The following SVOPL variants were observed in gnomAD, a reference collection of about 807,000 sequenced individuals.
SVOPL encodes the protein putative transporter SVOPL.
A neutral mutation model predicts 61.0 loss-of-function variants in SVOPL; 60 were observed. The ratio of observed to expected loss-of-function variants is 0.98; its 90% CI spans 0.80 to 1.22. The LOEUF is 1.22. Among genes scored for constraint, SVOPL ranks in the 50% most tolerant of loss-of-function variants. The pLI is 0.00. For synonymous variants in SVOPL, 279 were observed against 250.0 expected (o/e 1.12, Z -1.09); for missense variants, 662 against 643.9 (o/e 1.03, Z -0.30).
intron 9 of SVOPL, among the ~76,000 whole-genome samples, chr7:138,641,178 G>A (rs1274099185): frequency 1.3e-5 from 2 of 148,864 alleles, no homozygotes; most frequent in Admixed American, 1.4e-4. Context: ...CAACCGAGGT[G>A]ACAGAGTGAG....
At chr7:138,631,765 T>C (rs1800202832) in intron 9 of SVOPL, among the ~76,000 whole-genome samples, 1 of 152,068 alleles carries the variant, frequency 6.6e-6, no homozygotes, top group Non-Finnish European at 1.5e-5. Context: ...GACGGGGTTT[T>C]ACCATGTTGC....
chr7:138,606,578 A>G (rs10265131), intron 14 of SVOPL, among the ~76,000 whole-genome samples: 47,784 of 151,798 alleles, frequency 0.31, 7,699 homozygotes, highest in Admixed American at 0.41. Context: ...ATTACACAAA[A>G]AACAAAGGCA....
At chr7:138,662,076 C>G in intron 5 of SVOPL, 1 of 985,450 alleles carries the variant, frequency 1.0e-6, no homozygotes, top group South Asian at 4.7e-5. Flanking sequence ...TTGAGGTCTA[C>G]AGTTTGGGTG....
chr7:138,656,348 G>A, intron 7 of SVOPL, 100 bp downstream of exon 7: 1 of 1,194,106 alleles, frequency 8.4e-7, no homozygotes, highest in Non-Finnish European at 1.2e-6. Context: ...CTTAATTGCA[G>A]CGAGCTGGTA....
chr7:138,600,423 G>A (rs949413386), intron 14 of SVOPL, among the ~76,000 whole-genome samples: 1 of 152,032 alleles, frequency 6.6e-6, no homozygotes, highest in Non-Finnish European at 1.5e-5. Context: ...GCAACAGAGG[G>A]AGACCCTGTC....
At chr7:138,636,771 GATTTT>G (rs770428769) in intron 9 of SVOPL, among the ~76,000 whole-genome samples, 46 of 151,926 alleles carry the variant, frequency 3.0e-4, no homozygotes, top group Non-Finnish European at 2.9e-4. Context: ...ACACCCGGCG[GATTTT>G]ATTTTATTTT....
At chr7:138,692,461 A>G (rs749333720) in intron 1 of SVOPL, among the ~76,000 whole-genome samples, 2 of 152,176 alleles carry the variant, frequency 1.3e-5, no homozygotes, top group African/African-American at 2.4e-5. Context: ...TGCAAAAAAT[A>G]TGTGACACAA....
intron 14 of SVOPL, among the ~76,000 whole-genome samples, chr7:138,603,991 G>A (rs192882601): frequency 3.3e-4 from 41 of 125,564 alleles, no homozygotes; most frequent in Non-Finnish European, 2.2e-4. Context: ...TTGAGACAGC[G>A]TCTCACTCTG....
intron 9 of SVOPL, among the ~76,000 whole-genome samples, chr7:138,632,146 G>A (rs1183946171): frequency 6.6e-6 from 1 of 152,122 alleles, no homozygotes; most frequent in Admixed American, 6.6e-5. Flanking sequence ...AGATGTCTGT[G>A]GAGGGCCAGA....
chr7:138,691,978 C>G (rs1802953868), intron 1 of SVOPL, among the ~76,000 whole-genome samples: 1 of 152,124 alleles, frequency 6.6e-6, no homozygotes, highest in South Asian at 2.1e-4. Context: ...CCACCACACC[C>G]AGCTAGCTTT....
At chr7:138,691,340 T>C (rs779602813) in intron 1 of SVOPL, among the ~76,000 whole-genome samples, 1 of 152,124 alleles carries the variant, frequency 6.6e-6, no homozygotes, top group Non-Finnish European at 1.5e-5. Context: ...TCAGTCAACA[T>C]TAAATCTCTT....
At chr7:138,655,222 A>G (rs116449467) in intron 7 of SVOPL, among the ~76,000 whole-genome samples, 8,275 of 150,744 alleles carry the variant, frequency 0.055, 731 homozygotes, top group African/African-American at 0.19. Flanking sequence ...AATCAGAGCC[A>G]GCTGGGCACA....
intron 14 of SVOPL, among the ~76,000 whole-genome samples, chr7:138,602,671 C>T (rs1798580943): frequency 1.3e-5 from 2 of 151,378 alleles, no homozygotes; most frequent in African/African-American, 4.9e-5. Context: ...TTGGTGCCAG[C>T]AGGAGGCTTA....
chr7:138,672,656 T>TTAAA lies in SVOPL; in HGVS notation c.175-540_175-539insTTTA, dbSNP rs35924408. ...GCAGGAAAGTGTTTTTTTTTGTGTT[T>TTAAA]AAAAAAAAAAAAAAAAAAAGAAGCA... On this transcript the variant is annotated intron_variant, in intron 3 of 15. Transcript: ENST00000674285. 8.6e-4 allele frequency among the ~76,000 whole-genome samples: 102 copies of TTAAA among 118,810 alleles called. 1 individual carries two copies. Among genetic ancestry groups the TTAAA allele is most frequent in the African/African-American group, 1.9e-3 (56 of 30,032 alleles). 77.9% of individuals were successfully genotyped at this position (118,810 alleles called of 152,430 possible). A position where few individuals can be genotyped will look rare whatever the true frequency, so the allele number is the denominator to read the frequency against.
At chr7:138,614,117 T>C (rs1244799963) in intron 14 of SVOPL, among the ~76,000 whole-genome samples, 1 of 152,222 alleles carries the variant, frequency 6.6e-6, no homozygotes, top group Non-Finnish European at 1.5e-5. Context: ...CTGCAGCTAA[T>C]TGAGTCTCTT....
chr7:138,685,309 G>A (rs1336046018), intron 1 of SVOPL, among the ~76,000 whole-genome samples: 1 of 152,142 alleles, frequency 6.6e-6, no homozygotes, highest in Admixed American at 6.6e-5. Flanking sequence ...TGAAGGACAC[G>A]ATGCTAAATT....
At chr7:138,649,846 T>C (rs904806427) in intron 7 of SVOPL, among the ~76,000 whole-genome samples, 1 of 150,552 alleles carries the variant, frequency 6.6e-6, no homozygotes, top group Non-Finnish European at 1.5e-5. Context: ...GTTTGTTTGT[T>C]TTTGAGACAG....
At chr7:138,687,543 T>G (rs1055734152) in intron 1 of SVOPL, among the ~76,000 whole-genome samples, 1 of 151,944 alleles carries the variant, frequency 6.6e-6, no homozygotes, top group Admixed American at 6.6e-5. Flanking sequence ...GCCCTACATT[T>G]TTTTTATTTT....
chr7:138,643,081 T>A (rs556948397), intron 9 of SVOPL, among the ~76,000 whole-genome samples: 28 of 151,932 alleles, frequency 1.8e-4, no homozygotes, highest in Non-Finnish European at 3.8e-4. Flanking sequence ...AAACATAGAA[T>A]TATCACAGGA....
Sources: gnomAD v4.1 joint callset for allele counts (sites outside exome capture counted in the v4.1 genomes callset) on GRCh38, gnomAD v4.1.1 for gene constraint, MANE v1.5 for transcripts, NCBI Gene and HGNC (gene_info 2026-07-23, HGNC 2026-07-21) for gene names.